The following KAZN variants were observed in gnomAD, a reference collection of about 807,000 sequenced individuals.
The protein encoded by KAZN is kazrin, periplakin interacting protein, also known as kazrin.
A neutral mutation model predicts 87.4 loss-of-function variants in KAZN; 40 were observed. The ratio of observed to expected loss-of-function variants is 0.46; its 90% CI spans 0.36 to 0.60. The LOEUF (loss-of-function observed/expected upper bound fraction) is 0.60. Among genes scored for constraint, KAZN ranks in the 20% least tolerant of loss-of-function variants. The pLI is 0.00. For missense variants in KAZN, 898 were observed against 1,073.9 expected, an observed-to-expected ratio of 0.84 and a Z score of 2.29; for synonymous variants, 466 against 458.3, an observed-to-expected ratio of 1.02 and a Z score of -0.22.
At chr1:13,894,182 C>T (rs903336836) in intron 1 of KAZN, among the ~76,000 whole-genome samples, 1 of 152,032 alleles carries the variant, frequency 6.6e-6, no homozygotes, top group East Asian at 1.9e-4. Context: ...TTAATCTATG[C>T]CCCCCCAGCC....
intron 2 of KAZN, among the ~76,000 whole-genome samples, chr1:14,211,476 G>A (rs569383906): frequency 2.2e-4 from 33 of 152,172 alleles, no homozygotes; most frequent in African/African-American, 7.0e-4. Context: ...TGCCCGCCTC[G>A]GCCTCCCAAA....
At chr1:14,978,626 C>T (rs753806805) in intron 2 of KAZN, among the ~76,000 whole-genome samples, 22 of 152,304 alleles carry the variant, frequency 1.4e-4, no homozygotes, top group Middle Eastern at 3.4e-3. Context: ...GTCCCCACCC[C>T]TGGGCTGCAG....
intron 1 of KAZN, among the ~76,000 whole-genome samples, chr1:14,638,814 C>T (rs1373472178): frequency 6.6e-6 from 1 of 152,124 alleles, no homozygotes; most frequent in Admixed American, 6.6e-5. Flanking sequence ...AGCAGCACCT[C>T]CCCTCTGATC....
At chr1:14,397,521 C>T (rs1663001325) in intron 2 of KAZN, among the ~76,000 whole-genome samples, 4 of 152,102 alleles carry the variant, frequency 2.6e-5, no homozygotes, top group Admixed American at 2.0e-4. Context: ...TTAAGTGACA[C>T]AAACAGCTCA....
intron 2 of KAZN, among the ~76,000 whole-genome samples, chr1:14,447,093 G>T (rs1667022240): frequency 6.6e-6 from 1 of 151,978 alleles, no homozygotes; most frequent in South Asian, 2.1e-4. Flanking sequence ...AGTGTGTAAT[G>T]TTCCCATATT....
chr1:14,798,372 T>C (rs576477148), intron 1 of KAZN, among the ~76,000 whole-genome samples: 2 of 151,158 alleles, frequency 1.3e-5, no homozygotes, highest in African/African-American at 4.9e-5. Context: ...AAGAAATCAA[T>C]AGCCCTCGGA....
At chr1:14,822,828 C>T (rs1477201949) in intron 1 of KAZN, among the ~76,000 whole-genome samples, 1 of 152,232 alleles carries the variant, frequency 6.6e-6, no homozygotes, top group South Asian at 2.1e-4. Context: ...CACATGAAGA[C>T]AGGGCTGCAT....
intron 1 of KAZN, among the ~76,000 whole-genome samples, chr1:14,136,613 C>G (rs1301893915): frequency 8.3e-6 from 1 of 120,598 alleles, no homozygotes; most frequent in Non-Finnish European, 1.7e-5. Flanking sequence ...ACTGAGGGCC[C>G]AGGTGCACAG....
intron 1 of KAZN, among the ~76,000 whole-genome samples, chr1:14,718,895 T>C (rs371699933): frequency 1.3e-3 from 199 of 152,284 alleles, no homozygotes; most frequent in African/African-American, 4.6e-3. Flanking sequence ...TTGCGCCTGT[T>C]AGGATGGGTT....
At chr1:13,930,976 G>T (rs143352839) in intron 1 of KAZN, among the ~76,000 whole-genome samples, 1 of 152,150 alleles carries the variant, frequency 6.6e-6, no homozygotes, top group Admixed American at 6.5e-5. Context: ...TACCTCCAGT[G>T]TCTTACCTAC....
intron 2 of KAZN, among the ~76,000 whole-genome samples, chr1:14,194,903 C>T (rs1433431983): frequency 1.3e-5 from 2 of 152,100 alleles, no homozygotes; most frequent in Non-Finnish European, 2.9e-5. Flanking sequence ...TACGTGACTG[C>T]CTACTTGGTC....
intron 1 of KAZN, among the ~76,000 whole-genome samples, chr1:14,844,271 A>G (rs61772322): frequency 0.21 from 31,504 of 152,082 alleles, 4,383 homozygotes; most frequent in African/African-American, 0.4. Context: ...AAGTAAAATG[A>G]TTTGCCTCTC....
chr1:14,050,609 C>T (rs1642287410), intron 1 of KAZN, among the ~76,000 whole-genome samples: 1 of 152,202 alleles, frequency 6.6e-6, no homozygotes, highest in African/African-American at 2.4e-5. Context: ...CTGCCCACAT[C>T]ATCCAATCAC....
At chr1:14,383,312 T>C (rs1192670088) in intron 2 of KAZN, among the ~76,000 whole-genome samples, 1 of 150,380 alleles carries the variant, frequency 6.6e-6, no homozygotes, top group African/African-American at 2.4e-5. Context: ...AGAAGCTCTT[T>C]AGTTTAATTA....
chr1:14,764,387 C>T (rs1006815543), intron 1 of KAZN, among the ~76,000 whole-genome samples: 10 of 126,378 alleles, frequency 7.9e-5, no homozygotes, highest in Admixed American at 2.2e-4. Context: ...CTCCCCCACA[C>T]CCCCCCCACA....
chr1:14,384,722 A>G (rs1661708611), intron 2 of KAZN, among the ~76,000 whole-genome samples: 1 of 151,482 alleles, frequency 6.6e-6, no homozygotes, highest in African/African-American at 2.4e-5. Context: ...GTTTGCCAGT[A>G]TTTTATTGAG....
chr1:14,026,602 A>G (rs1395813396), intron 1 of KAZN, among the ~76,000 whole-genome samples: 4 of 152,192 alleles, frequency 2.6e-5, no homozygotes, highest in East Asian at 3.9e-4. Flanking sequence ...TGCTCCAGGA[A>G]AGCAATGGTG....
intron 1 of KAZN, among the ~76,000 whole-genome samples, chr1:13,902,856 A>G (rs985568753): frequency 6.6e-6 from 1 of 152,258 alleles, no homozygotes; most frequent in Non-Finnish European, 1.5e-5. Context: ...TAAATTGAGG[A>G]AAAAGCTCTT....
intron 2 of KAZN, among the ~76,000 whole-genome samples, chr1:14,287,012 C>A (rs1653304088): frequency 6.6e-6 from 1 of 152,076 alleles, no homozygotes; most frequent in African/African-American, 2.4e-5. Flanking sequence ...GCAGTTGGAA[C>A]TACAATTGAG....
Sources: gnomAD v4.1 joint callset for allele counts (sites outside exome capture counted in the v4.1 genomes callset) on GRCh38, gnomAD v4.1.1 for gene constraint, MANE v1.5 for transcripts, NCBI Gene and HGNC (gene_info 2026-07-23, HGNC 2026-07-21) for gene names.